Variants in SH3BGRL observed in about 807,000 individuals in gnomAD.
SH3BGRL encodes SH3 domain binding glutamate rich protein like, also known as adapter SH3BGRL.
A neutral mutation model predicts 9.8 loss-of-function variants in SH3BGRL; 7 were observed. The ratio of observed to expected loss-of-function variants is 0.72; its 90% CI spans 0.41 to 1.35. The LOEUF (loss-of-function observed/expected upper bound fraction) is 1.35, where lower values mean the gene tolerates loss of function less well. SH3BGRL is among the 40% of genes most tolerant of loss of function. The pLI is 0.01. For synonymous variants in SH3BGRL, 36 were observed against 29.1 expected (o/e 1.24, Z -0.76); for missense variants, 73 against 84.4 (o/e 0.86, Z 0.53).
intron 1 of SH3BGRL, among the ~76,000 whole-genome samples, chrX:81,270,661 C>T (rs754110364): frequency 7.5e-4 from 84 of 112,076 alleles, no homozygotes; most frequent in Non-Finnish European, 1.4e-3. Context: ...GGAGGTGTCT[C>T]CCAGTCAGGC....
At chrX:81,205,656 G>A (rs1467385886) in intron 1 of SH3BGRL, among the ~76,000 whole-genome samples, 1 of 108,907 alleles carries the variant, frequency 9.2e-6, no homozygotes, top group East Asian at 2.9e-4. Context: ...CTTTCTTTTG[G>A]ATATATACCC....
At chrX:81,227,534 A>G (rs534722187) in intron 1 of SH3BGRL, among the ~76,000 whole-genome samples, 50 of 111,392 alleles carry the variant, frequency 4.5e-4, no homozygotes, top group African/African-American at 1.6e-3. Context: ...GGGACTGTTG[A>G]CTGCTTCCTA....
intron 3 of SH3BGRL, among the ~76,000 whole-genome samples, chrX:81,283,875 A>G (rs776100482): frequency 3.6e-5 from 4 of 111,333 alleles, no homozygotes; most frequent in African/African-American, 1.3e-4. Flanking sequence ...AAGGAAGTCA[A>G]TTGGTCACTG....
chrX:81,220,171 T>G (rs2075596074), intron 1 of SH3BGRL, among the ~76,000 whole-genome samples: 1 of 111,426 alleles, frequency 9.0e-6, no homozygotes, highest in South Asian at 3.7e-4. Flanking sequence ...CTTTTCTGCT[T>G]CAGAATACTT....
intron 3 of SH3BGRL, among the ~76,000 whole-genome samples, chrX:81,294,556 A>C (rs1466258474): frequency 9.1e-6 from 1 of 110,097 alleles, no homozygotes; most frequent in East Asian, 2.9e-4. Flanking sequence ...ATCCAAGCAG[A>C]AGTTTGCTGC....
At chrX:81,228,572 G>C (rs889204360) in intron 1 of SH3BGRL, among the ~76,000 whole-genome samples, 5 of 111,217 alleles carry the variant, frequency 4.5e-5, no homozygotes, top group Non-Finnish European at 9.4e-5. Context: ...AATTTTAAAA[G>C]GGAGGAAGGT....
At chrX:81,274,494 C>T (rs1188303232) in intron 1 of SH3BGRL, among the ~76,000 whole-genome samples, 1 of 110,110 alleles carries the variant, frequency 9.1e-6, no homozygotes, top group Admixed American at 9.7e-5. Flanking sequence ...GCCTGTAATC[C>T]CAGCTACTCA....
intron 1 of SH3BGRL, among the ~76,000 whole-genome samples, chrX:81,226,647 G>T (rs1341887963): frequency 2.0e-5 from 2 of 101,811 alleles, no homozygotes; most frequent in Non-Finnish European, 4.0e-5. Flanking sequence ...ATTTAAGGTG[G>T]GCCCTAAATG....
chrX:81,294,211 G>A (rs1465824539), intron 3 of SH3BGRL, among the ~76,000 whole-genome samples: 2 of 111,530 alleles, frequency 1.8e-5, no homozygotes, highest in African/African-American at 6.5e-5. Context: ...TAATCCCCAA[G>A]AAAATGGGGA....
chrX:81,297,069 A>T, intron 3 of SH3BGRL, 126 bp from the exon 4 acceptor site: 1 of 448,833 alleles, frequency 2.2e-6, no homozygotes, highest in Non-Finnish European at 3.6e-6. Flanking sequence ...GAACTTTTTA[A>T]GAAATCTCTT....
chrX:81,231,205 C>T (rs761686965), intron 1 of SH3BGRL, among the ~76,000 whole-genome samples: 5 of 112,009 alleles, frequency 4.5e-5, no homozygotes, highest in Non-Finnish European at 7.5e-5. Flanking sequence ...AAAACAAAAG[C>T]TTCCGCCAAT....
chrX:81,250,471 A>C (rs1270208025), intron 1 of SH3BGRL, among the ~76,000 whole-genome samples: 1 of 111,392 alleles, frequency 9.0e-6, no homozygotes, highest in East Asian at 2.8e-4. Context: ...ATGATAGGTG[A>C]TTATTTCCCT....
intron 1 of SH3BGRL, among the ~76,000 whole-genome samples, chrX:81,236,803 C>T (rs1222545537): frequency 9.0e-6 from 1 of 110,539 alleles, no homozygotes; most frequent in Non-Finnish European, 1.9e-5. Flanking sequence ...TTATAATACA[C>T]AGGATTCTAG....
intron 3 of SH3BGRL, among the ~76,000 whole-genome samples, chrX:81,294,590 C>T (rs1184989747): frequency 9.0e-6 from 1 of 110,741 alleles, no homozygotes; most frequent in Non-Finnish European, 1.9e-5. Flanking sequence ...TCATGGAGAA[C>T]CTCTGCTAGG....
At chrX:81,285,781 G>A (rs1366549862) in intron 3 of SH3BGRL, among the ~76,000 whole-genome samples, 1 of 111,597 alleles carries the variant, frequency 9.0e-6, no homozygotes, top group Non-Finnish European at 1.9e-5. Context: ...ATGAAAATTT[G>A]TGAAAACATA....
At chrX:81,235,748 T>C (rs1336050071) in intron 1 of SH3BGRL, among the ~76,000 whole-genome samples, 1 of 111,498 alleles carries the variant, frequency 9.0e-6, no homozygotes, top group African/African-American at 3.3e-5. Context: ...TATGTTCCAC[T>C]CCAACTCTGC....
At chrX:81,289,421 G>T (rs973110685) in intron 3 of SH3BGRL, among the ~76,000 whole-genome samples, 14 of 111,795 alleles carry the variant, frequency 1.3e-4, no homozygotes, top group African/African-American at 4.5e-4. Flanking sequence ...ATGGACAAAT[G>T]GGATCACATC....
In SH3BGRL at chrX:81,236,512, G is replaced by A. The variant is rs141787157; in HGVS notation, c.45+34267G>A. ...TAACACCTGCTTCAAAAATTTCAGA[G>A]GGTGACTGTTTAAAATTTTATTCAT... On this transcript the variant is annotated intron_variant, in intron 1 of 3. Transcript: ENST00000373212. Among the ~76,000 whole-genome samples, 577 of 111,119 alleles carry A rather than the reference G, an allele frequency of 5.2e-3. 4 individuals are homozygous for A. Among genetic ancestry groups the A allele is most frequent in the African/African-American group, 0.018 (539 of 30,588 alleles).
chrX:81,288,439 G>A (rs1287085862), intron 3 of SH3BGRL, among the ~76,000 whole-genome samples: 5 of 111,651 alleles, frequency 4.5e-5, no homozygotes, highest in Admixed American at 2.9e-4. Context: ...CTTAGCTAGA[G>A]CAACCAGCCA....
Sources: allele counts gnomAD v4.1 joint callset (sites outside exome capture counted in the v4.1 genomes callset), GRCh38; gene constraint gnomAD v4.1.1; transcripts MANE v1.5; gene names NCBI Gene and HGNC (gene_info 2026-07-23, HGNC 2026-07-21).